The following CFAP47 variants were observed in gnomAD, a reference collection of about 807,000 sequenced individuals.
CFAP47 encodes cilia and flagella associated protein 47.
CFAP47 carries 29 observed loss-of-function variants against 148.1 expected under a neutral mutation model. The observed-to-expected ratio is 0.20, with a 90% confidence interval of 0.15 to 0.27. The LOEUF is 0.27. Ranked by LOEUF, CFAP47 falls within the 10% of genes least tolerant of loss-of-function variation. CFAP47 has a pLI of 1.00. For synonymous variants in CFAP47, 664 were observed against 577.3 expected, an observed-to-expected ratio of 1.15 and a Z score of -2.15; for missense variants, 1,872 against 1,697.5, an observed-to-expected ratio of 1.10 and a Z score of -1.81.
At chrX:35,922,680 T>G (rs954775813) in intron 1 of CFAP47, among the ~76,000 whole-genome samples, 1 of 112,840 alleles carries the variant, frequency 8.9e-6, no homozygotes, top group African/African-American at 3.2e-5. Flanking sequence ...CATTGTTTGC[T>G]GAAAGCATGA....
intron 54 of CFAP47, among the ~76,000 whole-genome samples, chrX:36,305,773 C>A (rs782572036): frequency 9.0e-6 from 1 of 111,122 alleles, no homozygotes; most frequent in Admixed American, 9.6e-5. Flanking sequence ...ATTATTTTTG[C>A]TAAGTCTGAC....
intron 27 of CFAP47, among the ~76,000 whole-genome samples, chrX:36,069,486 T>C (rs1300413576): frequency 9.0e-6 from 1 of 111,546 alleles, no homozygotes; most frequent in Non-Finnish European, 1.9e-5. Context: ...TGTGTGAAAA[T>C]AATGCATCCA....
intron 33 of CFAP47, among the ~76,000 whole-genome samples, 161 bp from the exon 34 acceptor site, chrX:36,137,797 A>C (rs1222079127): frequency 9.0e-6 from 1 of 110,545 alleles, no homozygotes; most frequent in East Asian, 2.8e-4. Flanking sequence ...TCATAGTATT[A>C]ATCTTCTGAG....
chrX:36,234,477 A>G (rs1180200105), intron 46 of CFAP47, among the ~76,000 whole-genome samples: 1 of 111,709 alleles, frequency 9.0e-6, no homozygotes, highest in Non-Finnish European at 1.9e-5. Flanking sequence ...AGCTCCTTTA[A>G]GCACTTCTCT....
chrX:36,073,002 T>G (rs984096410), intron 28 of CFAP47, 137 bp from the exon 29 acceptor site: 14 of 447,111 alleles, frequency 3.1e-5, no homozygotes, highest in African/African-American at 2.0e-4. Flanking sequence ...TATAGTAAAT[T>G]GACTCAGAAT....
intron 22 of CFAP47, among the ~76,000 whole-genome samples, chrX:36,028,454 G>A (rs1937245785): frequency 9.0e-6 from 1 of 110,951 alleles, no homozygotes; most frequent in Non-Finnish European, 1.9e-5. Flanking sequence ...AGATTGCTTT[G>A]GGCAGTATGG....
intron 57 of CFAP47, among the ~76,000 whole-genome samples, chrX:36,328,832 A>AG (rs1234049169): frequency 2.8e-5 from 3 of 106,270 alleles, no homozygotes; most frequent in East Asian, 2.9e-4. Context: ...AAAAAAAAAA[A>AG]AAAGAAAAGC....
intron 45 of CFAP47, among the ~76,000 whole-genome samples, chrX:36,220,489 G>A (rs1940203316): frequency 9.1e-6 from 1 of 109,660 alleles, no homozygotes; most frequent in African/African-American, 3.3e-5. Context: ...AACTGCCAGG[G>A]CGTGAAAAAC....
chrX:36,370,450 G>A (rs1243954428), intron 62 of CFAP47, among the ~76,000 whole-genome samples: 3 of 110,541 alleles, frequency 2.7e-5, no homozygotes, highest in Non-Finnish European at 3.8e-5. Context: ...TGGCTGTGCA[G>A]TATTCCATGG....
At position 36,035,849 on chromosome X, in the gene CFAP47, G is replaced by T; in HGVS notation, c.3806G>T (p.Cys1269Phe). ...NEKYNVSISF[C>F]PNRPGTYTAD... is the part of the protein sequence containing the mutation. ...AAGTATAATGTTTCCATAAGTTTCT[G>T]TCCAAGTAAGATATTTTCTCCTATA... is the stretch of plus-strand genomic sequence containing the variant. The change falls in exon 24 of 64, where the codon TGT (cysteine) becomes TTT (phenylalanine). Residue 1269 changes from cysteine to phenylalanine, a missense_variant. Cys to Phe is a radical substitution (Grantham distance 205, BLOSUM62 -2). Coordinates refer to ENST00000378653, the MANE Select transcript of CFAP47 (RefSeq NM_001304548.2). 1 of 295,368 alleles carries T rather than the reference G, an allele frequency of 3.4e-6. No homozygotes were observed. Among genetic ancestry groups the T allele is most frequent in the Non-Finnish European group, 5.9e-6 (1 of 169,012 alleles). The allele number at this position is 295,368 out of a possible 1,213,427, so 24.3% of individuals were successfully genotyped here.
At chrX:36,378,484 A>G (rs1337583162) in intron 62 of CFAP47, among the ~76,000 whole-genome samples, 1 of 112,376 alleles carries the variant, frequency 8.9e-6, no homozygotes, top group African/African-American at 3.2e-5. Flanking sequence ...CTAAATTTCC[A>G]TTAAGGACAT....
chrX:36,368,667 A>G (rs782345759), intron 62 of CFAP47, among the ~76,000 whole-genome samples: 1 of 111,457 alleles, frequency 9.0e-6, no homozygotes, highest in Non-Finnish European at 1.9e-5. Flanking sequence ...CTCAACCACT[A>G]AATACCTGTG....
At chrX:36,121,379 G>A (rs1206185161) in intron 33 of CFAP47, among the ~76,000 whole-genome samples, 2 of 111,006 alleles carry the variant, frequency 1.8e-5, no homozygotes, top group Non-Finnish European at 3.8e-5. Context: ...TTATTGATAA[G>A]TAAGTACTTA....
Position 36,038,994 on chromosome X carries a change from G to A in CFAP47, c.3822G>A (p.Gly1274=). The A allele has an allele frequency of 9.2e-7, 1 of 1,084,451 alleles. No homozygotes were observed. The highest frequency in any genetic ancestry group is 1.2e-6 in the Non-Finnish European group (1 of 817,078). The allele number at this position is 1,084,451 out of a possible 1,213,427, so 89.4% of individuals were successfully genotyped here. The part of the protein sequence containing the change: ...VSISFCPNRP[G]TYTADIPMLL... ...TTTGTTTTTCATTAGATCGTCCTGG[G>A]ACATACACAGCAGATATTCCTATGC... The change falls in exon 25 of 64, where the codon GGG becomes GGA. Residue 1274 remains glycine, a synonymous_variant. Transcript: ENST00000378653.
In CFAP47 at chrX:35,938,220, A is replaced by G. The variant is rs749056750; in HGVS notation, c.402-3063A>G. 4.5e-5 allele frequency among the ~76,000 whole-genome samples: 5 copies of G among 110,849 alleles called. No homozygotes were observed. In the South Asian group the frequency reaches 1.9e-3, roughly 42 times the overall value. Reference sequence around the variant, plus strand: ...CCTCTTAAATTTGTAGCTCCATTCCATTTTTCACCACAGCATCACATCCTA... The same window carrying G: ...CCTCTTAAATTTGTAGCTCCATTCCGTTTTTCACCACAGCATCACATCCTA... On this transcript the variant is annotated intron_variant, in intron 2 of 63. Coordinates refer to ENST00000378653, the MANE Select transcript of CFAP47 (RefSeq NM_001304548.2).
At chrX:36,113,848 C>T (rs769329707) in intron 33 of CFAP47, among the ~76,000 whole-genome samples, 1 of 103,400 alleles carries the variant, frequency 9.7e-6, no homozygotes, top group Non-Finnish European at 2.0e-5. Flanking sequence ...CTCGCTCTGT[C>T]GCCCAGGCTG....
At chrX:36,141,076 T>TA (rs1939131762) in intron 35 of CFAP47, among the ~76,000 whole-genome samples, 1 of 106,850 alleles carries the variant, frequency 9.4e-6, no homozygotes, top group Non-Finnish European at 1.9e-5. Flanking sequence ...TTTTTTTTTT[T>TA]AATCACTTGT....
At chrX:36,210,899 C>T (rs782010577) in intron 45 of CFAP47, among the ~76,000 whole-genome samples, 1 of 112,418 alleles carries the variant, frequency 8.9e-6, no homozygotes, top group Non-Finnish European at 1.9e-5. Context: ...GTGAGAACTT[C>T]ATTCCTTTGC....
intron 18 of CFAP47, among the ~76,000 whole-genome samples, chrX:35,994,257 G>A (rs969306598): frequency 3.7e-5 from 4 of 108,898 alleles, no homozygotes; most frequent in African/African-American, 1.0e-4. Context: ...GCGAGACTCC[G>A]TCTCAAAAAA....
Sources: gnomAD v4.1 joint callset for allele counts (sites outside exome capture counted in the v4.1 genomes callset) on GRCh38, gnomAD v4.1.1 for gene constraint, MANE v1.5 for transcripts, NCBI Gene and HGNC (gene_info 2026-07-23, HGNC 2026-07-21) for gene names.